NECTIN3: variants seen among roughly 807,000 people sequenced by gnomAD.
The protein encoded by NECTIN3 is nectin cell adhesion molecule 3.
In NECTIN3, 8 loss-of-function variants were observed where a neutral mutation model predicts 49.4. The observed-to-expected ratio is 0.16, with a 90% CI of 0.10 to 0.29. The LOEUF is 0.29. Among genes scored for constraint, NECTIN3 ranks in the 10% least tolerant of loss-of-function variants. The pLI is 1.00. For missense variants in NECTIN3, 581 were observed against 654.6 expected (o/e 0.89, Z 1.23); for synonymous variants, 277 against 241.1 (o/e 1.15, Z -1.38).
chr3:111,135,375 A>C lies in NECTIN3; in HGVS notation c.*1160A>C, dbSNP rs1051885254. On this transcript the variant is annotated 3_prime_UTR_variant, in exon 6 of 6. Coordinates refer to ENST00000485303, the MANE Select transcript of NECTIN3 (RefSeq NM_015480.3). ...TTTCTGTTTTTACGATTAAAACTGG[A>C]AACATGAGGTTTTTTGTTTTTGTTT... 6 of 935,128 alleles carry C rather than the reference A, an allele frequency of 6.4e-6. No individual in the cohort carries two copies. The African/African-American group carries it at 1.1e-4, about 17-fold the overall frequency. The allele number at this position is 935,128 out of a possible 1,614,324, so 57.9% of individuals were successfully genotyped here.
At chr3:111,122,340 AGCAGAAAATTTTAATTAAATTTTCTGT>A in intron 4 of NECTIN3, 102 bp downstream of exon 4, 1 of 813,232 alleles carries the variant, frequency 1.2e-6, no homozygotes, top group South Asian at 2.2e-5. Flanking sequence ...TTATAGTAAT[AGCAGAAAATTTTAATTAAATTTTCTGT>A]CTTATCCTTC....
intron 7 of NECTIN3, among the ~76,000 whole-genome samples, chr3:111,150,395 A>G (rs2034975553): frequency 6.6e-6 from 1 of 151,990 alleles, no homozygotes; most frequent in Non-Finnish European, 1.5e-5. Context: ...CCGTTTTATG[A>G]ACAGTATTTC....
Position 111,135,976 on chromosome 3 carries a change from A to AT in NECTIN3, c.*1761_*1762insT. 1 of 946,942 alleles carries AT rather than the reference A, an allele frequency of 1.1e-6. No individual in the cohort carries two copies. Among genetic ancestry groups the AT allele is most frequent in the Non-Finnish European group, 1.3e-6 (1 of 795,324 alleles). The allele number at this position is 946,942 out of a possible 1,614,324, so 58.7% of individuals were successfully genotyped here. On this transcript the variant is annotated 3_prime_UTR_variant, in exon 6 of 6. Transcript: ENST00000485303. ...CAAATGTCTGGGTTTTAATATGGTT[A>AT]ATCACTTATATACAAATATTACAAC...
At position 111,134,131 on chromosome 3, in the gene NECTIN3, T is replaced by G; in HGVS notation, c.1566T>G (p.Ser522Arg). The change falls in exon 6 of 6, where the codon AGT becomes AGG. Residue 522 changes from serine to arginine, a missense_variant. By Grantham distance (110) the Ser-to-Arg change is moderately radical. Around this residue, in one of 3 missense-constraint regions of NECTIN3, gnomAD observed 238 missense variants for 244.9 expected, o/e 0.97. Coordinates refer to ENST00000485303, the MANE Select transcript of NECTIN3 (RefSeq NM_015480.3). ...EDLKMGMKFVSDEHYDENEDD... is the reference protein window; with the variant it reads ...EDLKMGMKFVRDEHYDENEDD... ...TAAAAATGGGAATGAAGTTTGTCAG[T>G]GATGAACATTATGATGAAAACGAAG... 3 of 1,613,190 alleles carry G rather than the reference T, an allele frequency of 1.9e-6. No individual in the cohort carries two copies. The South Asian group carries it at 3.3e-5, about 18-fold the overall frequency.
At chr3:111,164,636 C>T (rs769553068) in intron 7 of NECTIN3, among the ~76,000 whole-genome samples, 3 of 152,164 alleles carry the variant, frequency 2.0e-5, no homozygotes, top group Non-Finnish European at 2.9e-5. Context: ...TTCTAGCTTC[C>T]GTTGGTTGCT....
At chr3:111,191,351 A>T (rs928609706), upstream of NECTIN3, among the ~76,000 whole-genome samples, 1 of 152,186 alleles carries the variant, frequency 6.6e-6, no homozygotes, top group Non-Finnish European at 1.5e-5. Flanking sequence ...GAAACACTTC[A>T]ACCAGCACTC....
chr3:111,077,842 C>G (rs370058359), intron 1 of NECTIN3, among the ~76,000 whole-genome samples: 2 of 152,040 alleles, frequency 1.3e-5, no homozygotes, highest in East Asian at 3.9e-4. Context: ...AGTTTGATGG[C>G]GAAATCAAGG....
chr3:111,147,541 G>A, intron 7 of NECTIN3: 1 of 1,334,542 alleles, frequency 7.5e-7, no homozygotes, highest in Non-Finnish European at 1.0e-6. Context: ...AAAATACTAA[G>A]CCATTTGTAT....
chr3:111,192,274 T>C (rs748975639), upstream of NECTIN3: 7 of 1,319,578 alleles, frequency 5.3e-6, no homozygotes, highest in Non-Finnish European at 7.3e-6. Context: ...ATTGGCTCTT[T>C]TAAAAATAGG....
downstream of NECTIN3, among the ~76,000 whole-genome samples, chr3:111,140,791 T>C (rs2034722856): frequency 6.6e-6 from 1 of 151,832 alleles, no homozygotes; most frequent in Non-Finnish European, 1.5e-5. Context: ...CCCATTTCAC[T>C]CTCCCCGTAG....
Position 111,112,205 on chromosome 3 carries a change from TGTTCAA to T in NECTIN3, c.338_343del (p.Val113_Gln114del). On this transcript the variant is annotated inframe_deletion, in exon 2 of 6. Coordinates refer to ENST00000485303, the MANE Select transcript of NECTIN3 (RefSeq NM_015480.3). ...TTCACCATCCCCAATATGGATTCTC[TGTTCAA>T]GGAGAATATCAGGGAAGAGTCTTGT... The T allele has an allele frequency of 6.2e-7, 1 of 1,613,912 alleles. No individual in the cohort carries two copies. Among genetic ancestry groups the T allele is most frequent in the Non-Finnish European group, 8.5e-7 (1 of 1,179,880 alleles).
At chr3:111,183,183 T>A (rs1453080126) in intron 7 of NECTIN3, among the ~76,000 whole-genome samples, 1 of 152,124 alleles carries the variant, frequency 6.6e-6, no homozygotes, top group Non-Finnish European at 1.5e-5. Flanking sequence ...AACCATAATG[T>A]ATCTTTTTTT....
chr3:111,169,312 G>C (rs1322275172), intron 7 of NECTIN3, among the ~76,000 whole-genome samples: 1 of 148,722 alleles, frequency 6.7e-6, no homozygotes, highest in African/African-American at 2.5e-5. Flanking sequence ...GGATGGTCTC[G>C]ATCTCCTGAC....
intron 7 of NECTIN3, among the ~76,000 whole-genome samples, chr3:111,180,128 C>G (rs1041379885): frequency 6.6e-6 from 1 of 152,146 alleles, no homozygotes; most frequent in Non-Finnish European, 1.5e-5. Context: ...CTAAATACCC[C>G]TATCTTTTAT....
At chr3:111,077,327 G>A (rs1364264562) in intron 1 of NECTIN3, 2 of 128,324 alleles carry the variant, frequency 1.6e-5, no homozygotes, top group Non-Finnish European at 3.9e-5. Context: ...AAAAAACTTT[G>A]GTTTCAACTT....
chr3:111,112,040 T>A lies in NECTIN3; in HGVS notation c.171T>A (p.Ala57=). 1.2e-6 allele frequency: 2 copies of A among 1,607,604 alleles called. No homozygotes were observed. Among genetic ancestry groups the A allele is most frequent in the Non-Finnish European group, 1.7e-6 (2 of 1,176,054 alleles). The change falls in exon 2 of 6, where the codon GCT becomes GCA. Residue 57 remains alanine (A), a synonymous_variant. Transcript: ENST00000485303. ...LLFSRLCGAL[A]GPIIVEPHVT... ...TTTTTTCCTCCATAGGTGCCTTAGC[T>A]GGACCAATTATTGTGGAGCCACATG...
At chr3:111,074,579 T>C (rs2031042759) in intron 1 of NECTIN3, among the ~76,000 whole-genome samples, 6 of 152,130 alleles carry the variant, frequency 3.9e-5, no homozygotes. Context: ...GGACCTGATA[T>C]TCTGAAGGCT....
chr3:111,193,205 A>T, intron 1 of NECTIN3: 8 of 1,535,338 alleles, frequency 5.2e-6, no homozygotes, highest in Non-Finnish European at 7.0e-6. Context: ...TTTAGAATGG[A>T]CTAAATAGCA....
At chr3:111,179,743 A>C (rs914180735) in intron 7 of NECTIN3, among the ~76,000 whole-genome samples, 3 of 151,980 alleles carry the variant, frequency 2.0e-5, no homozygotes, top group Admixed American at 6.5e-5. Flanking sequence ...AAATACAAAA[A>C]ATTAGCTGAG....
Sources: allele counts gnomAD v4.1 joint callset (sites outside exome capture counted in the v4.1 genomes callset), GRCh38; gene constraint gnomAD v4.1.1; regional missense constraint gnomAD v4.1.1; transcripts MANE v1.5; gene names NCBI Gene and HGNC (gene_info 2026-07-23, HGNC 2026-07-21).